CHD9: variants seen among roughly 807,000 people sequenced by gnomAD.
CHD9 encodes ATP-dependent chromatin remodeler CHD9.
Under a neutral mutation model 316.1 loss-of-function variants are expected in CHD9, and 77 were observed. The ratio of observed to expected loss-of-function variants is 0.24; its 90% CI spans 0.20 to 0.29. The LOEUF is 0.29. CHD9 is among the 10% of genes least tolerant of loss of function. CHD9 has a pLI of 1.00. For synonymous variants in CHD9, 1,129 were observed against 1,158.3 expected, an observed-to-expected ratio of 0.97 and a Z score of 0.51; for missense variants, 2,763 against 3,438.1, an observed-to-expected ratio of 0.80 and a Z score of 4.91.
In CHD9 at chr16:53,285,600, A is replaced by G. The variant is rs950170067; in HGVS notation, c.4972A>G (p.Ile1658Val). Residue 1658 changes from isoleucine (I) to valine (V), a missense_variant, in exon 25 of 39, where the codon ATT becomes GTT. Around this residue, in one of 15 missense-constraint regions of CHD9, gnomAD observed 40 missense variants for 39.5 expected, o/e 1.01. Transcript: ENST00000447540. ...KVFDGVDASD[I>V]DVWVPEPDHS... Reference sequence around the variant, plus strand: ...CATATTATGATTTTTTTAAAGTGACATTGATGTTTGGGTACCAGAACCAGA... The same window carrying G: ...CATATTATGATTTTTTTAAAGTGACGTTGATGTTTGGGTACCAGAACCAGA... The G allele has an allele frequency of 6.3e-7, 1 of 1,592,584 alleles. No individual in the cohort carries two copies.
intron 1 of CHD9, among the ~76,000 whole-genome samples, chr16:53,095,935 A>C (rs1418173904): frequency 6.6e-6 from 1 of 152,098 alleles, no homozygotes; most frequent in Non-Finnish European, 1.5e-5. Context: ...ATTTTTTCCA[A>C]CTGAAAGGGT....
Position 53,261,095 on chromosome 16 carries a change from CA to C in CHD9, c.4210-1878del, listed in dbSNP as rs753392412. ...TATTAAAGCTATAGTTTAGAGAAAGCAAAAAAAAAAAAAAGGGAATTTAAAT... is the reference window on the plus strand; with the variant it reads ...TATTAAAGCTATAGTTTAGAGAAAGCAAAAAAAAAAAAAGGGAATTTAAAT... On this transcript the variant is annotated intron_variant, in intron 19 of 38. Transcript: ENST00000447540. 6.4e-3 allele frequency among the ~76,000 whole-genome samples: 785 copies of C among 123,178 alleles called. 5 individuals carry two copies. Among genetic ancestry groups the C allele is most frequent in the East Asian group, 0.045 (202 of 4,446 alleles). 80.8% of individuals were successfully genotyped at this position (123,178 alleles called of 152,430 possible).
chr16:53,228,508 C>CCAA (rs1399772115), intron 7 of CHD9, among the ~76,000 whole-genome samples: 1 of 150,468 alleles, frequency 6.6e-6, no homozygotes, highest in Non-Finnish European at 1.5e-5. Context: ...TACATATTTT[C>CCAA]CAACTTATCT....
chr16:53,223,251 C>CT (rs58315231), intron 4 of CHD9, among the ~76,000 whole-genome samples: 7,549 of 138,954 alleles, frequency 0.054, 237 homozygotes, highest in Middle Eastern at 0.073. Context: ...TGCATTTTGC[C>CT]TTTTTTTTTT....
At chr16:53,221,529 GC>G (rs2047230789) in intron 3 of CHD9, among the ~76,000 whole-genome samples, 1 of 152,060 alleles carries the variant, frequency 6.6e-6, no homozygotes, top group African/African-American at 2.4e-5. Context: ...TTAAAATCAT[GC>G]CCCTGCATCT....
intron 1 of CHD9, among the ~76,000 whole-genome samples, chr16:53,151,911 T>G (rs1053899612): frequency 6.6e-6 from 1 of 152,180 alleles, no homozygotes; most frequent in Non-Finnish European, 1.5e-5. Context: ...GGACAATTTC[T>G]GTCAACTTTT....
intron 1 of CHD9, among the ~76,000 whole-genome samples, chr16:53,100,035 C>T (rs1365930426): frequency 6.6e-6 from 1 of 152,220 alleles, no homozygotes; most frequent in Non-Finnish European, 1.5e-5. Flanking sequence ...CCTCAGCTCC[C>T]TGCCAGGCCC....
intron 1 of CHD9, among the ~76,000 whole-genome samples, chr16:53,064,531 C>A (rs1361404950): frequency 6.6e-6 from 1 of 152,142 alleles, no homozygotes; most frequent in Non-Finnish European, 1.5e-5. Context: ...CTAGGGCCAG[C>A]AGTACAGTGG....
At chr16:53,147,159 G>C (rs1463910292) in intron 1 of CHD9, among the ~76,000 whole-genome samples, 1 of 152,028 alleles carries the variant, frequency 6.6e-6, no homozygotes, top group Non-Finnish European at 1.5e-5. Context: ...GAAAAATAAA[G>C]CAAGGAAGGG....
At chr16:53,188,234 A>G (rs1422269344) in intron 2 of CHD9, among the ~76,000 whole-genome samples, 1 of 152,238 alleles carries the variant, frequency 6.6e-6, no homozygotes, top group African/African-American at 2.4e-5. Context: ...TTCATTTATT[A>G]GTGATGGATA....
intron 31 of CHD9, among the ~76,000 whole-genome samples, 200 bp downstream of exon 31, chr16:53,304,825 G>T (rs573661081): frequency 3.9e-4 from 58 of 150,326 alleles, no homozygotes; most frequent in African/African-American, 1.4e-3. Context: ...CTCCCAAGTA[G>T]CTGGGATTAC....
chr16:53,086,152 A>G (rs2035443759), intron 1 of CHD9, among the ~76,000 whole-genome samples: 1 of 152,130 alleles, frequency 6.6e-6, no homozygotes, highest in Admixed American at 6.5e-5. Context: ...GTTATAGGAA[A>G]GGGGGCAGGG....
rs61450186 is a variant in CHD9, at chr16:53,100,453, C to CTTTTTTTTTT, written c.-165+45384_-165+45393dup. ...GCACTCTGAATTTAGACTCATTCGT[C>CTTTTTTTTTT]TTTTTTTTTTTTTTTTTCCAAAAGA... On this transcript the variant is annotated intron_variant, in intron 1 of 38. Transcript: ENST00000447540. 2.6e-4 allele frequency among the ~76,000 whole-genome samples: 34 copies of CTTTTTTTTTT among 129,628 alleles called. 2 individuals are homozygous for CTTTTTTTTTT. The highest frequency in any genetic ancestry group is 8.9e-4 in the East Asian group (4 of 4,484). The allele number at this position is 129,628 out of a possible 152,430, so 85.0% of individuals were successfully genotyped here.
rs191087878 is a variant in CHD9, at chr16:53,085,974, G to T, written c.-165+30897G>T. ...ACAGAGCTAAGAGAAGATTTTTCAT[G>T]CAGTTTAGGAAAGAATGAGCAATGG... On this transcript the variant is annotated intron_variant, in intron 1 of 38. Transcript: ENST00000447540. 3.9e-5 allele frequency among the ~76,000 whole-genome samples: 6 copies of T among 152,306 alleles called. No homozygotes were observed. In the East Asian group the frequency reaches 1.2e-3, roughly 29 times the overall value.
rs2041510505 is a variant in CHD9, at chr16:53,156,203, A to G, written c.114A>G (p.Glu38=). Residue 38 remains glutamate (E), a synonymous_variant, in exon 2 of 39, where the codon GAA becomes GAG. Transcript: ENST00000447540. ...CAGGACCTGTTTCACTAGTTGATGAATTGAATTTGGGTGCAGAATTTGAAC... is the reference window on the plus strand; with the variant it reads ...CAGGACCTGTTTCACTAGTTGATGAGTTGAATTTGGGTGCAGAATTTGAAC... ...VQPGPVSLVD[E]LNLGAEFEPL... 1 of 1,613,998 alleles carries G rather than the reference A, an allele frequency of 6.2e-7. No homozygotes were observed. Among genetic ancestry groups the G allele is most frequent in the Non-Finnish European group, 8.5e-7 (1 of 1,179,880 alleles).
At chr16:53,139,432 T>C (rs963982558) in intron 1 of CHD9, among the ~76,000 whole-genome samples, 1 of 152,228 alleles carries the variant, frequency 6.6e-6, no homozygotes, top group African/African-American at 2.4e-5. Flanking sequence ...GTTAATTTAA[T>C]TGAACCAAGG....
intron 1 of CHD9, among the ~76,000 whole-genome samples, chr16:53,130,220 C>T (rs376731259): frequency 5.3e-5 from 8 of 151,802 alleles, no homozygotes; most frequent in African/African-American, 1.7e-4. Flanking sequence ...TGGGCTCAAT[C>T]GCAGCATCAT....
intron 1 of CHD9, among the ~76,000 whole-genome samples, chr16:53,149,520 G>A (rs1374898919): frequency 6.7e-6 from 1 of 150,156 alleles, no homozygotes; most frequent in Non-Finnish European, 1.5e-5. Context: ...TCATCAGTGT[G>A]TAATATCCTT....
chr16:53,242,701 T>G, intron 12 of CHD9, 139 bp from the exon 13 acceptor site: 1 of 677,198 alleles, frequency 1.5e-6, no homozygotes, highest in Non-Finnish European at 2.5e-6. Flanking sequence ...ATAAAAGTTT[T>G]CATTGTAAGG....
Sources: allele counts gnomAD v4.1 joint callset (sites outside exome capture counted in the v4.1 genomes callset), GRCh38; gene constraint gnomAD v4.1.1; regional missense constraint gnomAD v4.1.1; transcripts MANE v1.5; gene names NCBI Gene and HGNC (gene_info 2026-07-23, HGNC 2026-07-21).